The following CHN2 variants were observed in gnomAD, a reference collection of about 807,000 sequenced individuals.
CHN2 encodes chimerin 2, also known as beta-chimaerin.
Under a neutral mutation model 56.3 loss-of-function variants are expected in CHN2, and 35 were observed. The observed-to-expected ratio is 0.62, with a 90% confidence interval of 0.47 to 0.82. CHN2 has a LOEUF of 0.82. CHN2 is among the 40% of genes least tolerant of loss of function. The pLI is 0.00. For missense variants in CHN2, 491 were observed against 580.5 expected (o/e 0.85, Z 1.58); for synonymous variants, 210 against 212.8 (o/e 0.99, Z 0.12).
In CHN2 at chr7:29,507,796, G is replaced by A. The variant is rs529285364; in HGVS notation, c.1129+431G>A. On this transcript the variant is annotated intron_variant, in intron 11 of 12. Coordinates refer to ENST00000222792, the MANE Select transcript of CHN2 (RefSeq NM_004067.4). The stretch of plus-strand genomic sequence containing the variant: ...TACTAACATTAATGATAGCTTTAAT[G>A]ATAATTTTAAATAATTTTTAAAATA... Among the ~76,000 whole-genome samples, 161 of 152,248 alleles carry A rather than the reference G, an allele frequency of 1.1e-3. 5 individuals are homozygous for A. The South Asian group carries it at 0.029, about 27-fold the overall frequency.
chr7:29,498,895 G>A (rs1349462488), intron 8 of CHN2, among the ~76,000 whole-genome samples: 1 of 151,732 alleles, frequency 6.6e-6, no homozygotes, highest in Middle Eastern at 3.4e-3. Context: ...CTGAGTAGCT[G>A]GGATTACAGG....
chr7:29,484,255 T>TGATTTA (rs1270536580), intron 7 of CHN2, among the ~76,000 whole-genome samples: 7 of 152,228 alleles, frequency 4.6e-5, no homozygotes, highest in Non-Finnish European at 7.3e-5. Flanking sequence ...ATGACTTAGA[T>TGATTTA]GATTTAGATT....
intron 9 of CHN2, 46 bp from the exon 10 acceptor site, chr7:29,504,698 G>A (rs1297085042): frequency 2.9e-6 from 3 of 1,020,388 alleles, no homozygotes; most frequent in Admixed American, 4.7e-5. Context: ...TTTTTTTTTA[G>A]ATGTTTCAAG....
intron 8 of CHN2, among the ~76,000 whole-genome samples, chr7:29,496,285 G>A (rs1789274761): frequency 6.6e-6 from 1 of 151,268 alleles, no homozygotes; most frequent in African/African-American, 2.4e-5. Context: ...ACACCTACCT[G>A]CCTCTTACAA....
intron 6 of CHN2, among the ~76,000 whole-genome samples, chr7:29,448,878 C>T (rs1406817527): frequency 6.6e-6 from 1 of 152,206 alleles, no homozygotes; most frequent in African/African-American, 2.4e-5. Flanking sequence ...CCCAACCAGA[C>T]TGTAAACTCC....
chr7:29,400,142 C>T (rs543240938), intron 5 of CHN2: 5 of 214,664 alleles, frequency 2.3e-5, no homozygotes, highest in South Asian at 2.0e-4. Context: ...AGCTGGTTCC[C>T]GTTAAGTAAG....
intron 1 of CHN2, among the ~76,000 whole-genome samples, chr7:29,278,425 G>C (rs944495580): frequency 6.6e-6 from 1 of 151,280 alleles, no homozygotes; most frequent in South Asian, 2.1e-4. Flanking sequence ...AATGAGCATG[G>C]CTGTGTTCCA....
At chr7:29,368,327 G>C (rs988463606) in intron 3 of CHN2, among the ~76,000 whole-genome samples, 1 of 151,996 alleles carries the variant, frequency 6.6e-6, no homozygotes, top group African/African-American at 2.4e-5. Flanking sequence ...GCTTACAGTA[G>C]AGAAAGTACA....
At chr7:29,489,847 C>G (rs150419324) in intron 7 of CHN2, among the ~76,000 whole-genome samples, 1 of 152,148 alleles carries the variant, frequency 6.6e-6, no homozygotes, top group African/African-American at 2.4e-5. Flanking sequence ...AAAATGCAAT[C>G]CTGATGTGCT....
chr7:29,459,595 C>G (rs1193289171), intron 6 of CHN2, among the ~76,000 whole-genome samples: 2 of 152,164 alleles, frequency 1.3e-5, no homozygotes, highest in East Asian at 1.9e-4. Context: ...ACAGATAATT[C>G]TCTTTTGAGG....
intron 3 of CHN2, among the ~76,000 whole-genome samples, chr7:29,369,745 T>A (rs147082370): frequency 6.6e-6 from 1 of 152,266 alleles, no homozygotes; most frequent in Non-Finnish European, 1.5e-5. Flanking sequence ...CCACTGAAAC[T>A]CTTCAACCAT....
chr7:29,230,666 A>G (rs763865263), intron 1 of CHN2, among the ~76,000 whole-genome samples: 23 of 152,208 alleles, frequency 1.5e-4, no homozygotes, highest in Admixed American at 9.2e-4. Context: ...ATAAAAACAA[A>G]TCTTTAATTC....
chr7:29,228,077 A>G (rs1246986561), intron 1 of CHN2, among the ~76,000 whole-genome samples: 1 of 151,944 alleles, frequency 6.6e-6, no homozygotes, highest in Non-Finnish European at 1.5e-5. Flanking sequence ...CTTAAAATCC[A>G]GATATCTACA....
intron 6 of CHN2, among the ~76,000 whole-genome samples, chr7:29,425,173 C>G (rs1443583063): frequency 6.6e-6 from 1 of 152,200 alleles, no homozygotes; most frequent in Admixed American, 6.5e-5. Context: ...ACCCAGCCCC[C>G]CTGCGGTTGG....
chr7:29,185,162 C>T (rs997697163), intron 2 of CHN2, among the ~76,000 whole-genome samples: 4 of 152,176 alleles, frequency 2.6e-5, no homozygotes, highest in African/African-American at 9.7e-5. Context: ...CCCATCTGAA[C>T]TGAAAATCCC....
chr7:29,405,209 ACACACACACACACG>A, intron 6 of CHN2, among the ~76,000 whole-genome samples: 1 of 132,684 alleles, frequency 7.5e-6, no homozygotes, highest in African/African-American at 3.2e-5. Flanking sequence ...ACACACACAC[ACACACACACACACG>A]GCAGTTCCAA....
chr7:29,319,303 A>G lies in CHN2; in HGVS notation c.50-35322A>G, dbSNP rs192632640. On this transcript the variant is annotated intron_variant, in intron 1 of 12. Transcript: ENST00000222792. Reference sequence around the variant, plus strand: ...GTCTTTGTTAACAAAAATAACACAGATCGCTTTAAGTACTAGGCTCCAAGC... The same window carrying G: ...GTCTTTGTTAACAAAAATAACACAGGTCGCTTTAAGTACTAGGCTCCAAGC... 3.0e-4 allele frequency among the ~76,000 whole-genome samples: 46 copies of G among 152,270 alleles called. 1 individual carries two copies. Among genetic ancestry groups the G allele is most frequent in the Middle Eastern group, 6.8e-3 (2 of 294 alleles).
Position 29,325,252 on chromosome 7 carries a change from G to A in CHN2, c.50-29373G>A, listed in dbSNP as rs142884516. ...CTCAACAGACTCTCCCAGCGGGTTG[G>A]CCATGTCATTTGATTTTCCTCTAAG... On this transcript the variant is annotated intron_variant, in intron 1 of 12. Coordinates refer to ENST00000222792, the MANE Select transcript of CHN2 (RefSeq NM_004067.4). 4.9e-3 allele frequency among the ~76,000 whole-genome samples: 750 copies of A among 152,278 alleles called. 5 individuals carry two copies. Among genetic ancestry groups the A allele is most frequent in the Middle Eastern group, 0.014 (4 of 294 alleles).
At chr7:29,441,159 C>T (rs1240330844) in intron 6 of CHN2, among the ~76,000 whole-genome samples, 5 of 151,944 alleles carry the variant, frequency 3.3e-5, no homozygotes, top group African/African-American at 1.2e-4. Flanking sequence ...TGTTGAGATC[C>T]ATGTCCAATT....
Sources: allele counts gnomAD v4.1 joint callset (sites outside exome capture counted in the v4.1 genomes callset), GRCh38; gene constraint gnomAD v4.1.1; transcripts MANE v1.5; gene names NCBI Gene and HGNC (gene_info 2026-07-23, HGNC 2026-07-21).